WSB2: variants seen among roughly 807,000 people sequenced by gnomAD.
WSB2 encodes the protein WD repeat and SOCS box-containing protein 2.
In WSB2, 12 loss-of-function variants were observed where a neutral mutation model predicts 48.8. The ratio of observed to expected loss-of-function variants is 0.25; its 90% confidence interval spans 0.16 to 0.40. WSB2 has a LOEUF of 0.40. Ranked by LOEUF, WSB2 falls within the 10% of genes least tolerant of loss-of-function variation. The pLI is 1.00. For missense variants in WSB2, 317 were observed against 506.2 expected (o/e 0.63, Z 3.59); for synonymous variants, 191 against 203.1 (o/e 0.94, Z 0.51).
intron 4 of WSB2, among the ~76,000 whole-genome samples, chr12:118,040,107 AG>A (rs992403109): frequency 7.2e-5 from 11 of 152,150 alleles, no homozygotes; most frequent in African/African-American, 2.4e-4. Context: ...CAGGAGGCAG[AG>A]GCTACAATAA....
chr12:118,057,361 G>A (rs1304746632), intron 1 of WSB2, among the ~76,000 whole-genome samples: 1 of 151,590 alleles, frequency 6.6e-6, no homozygotes, highest in South Asian at 2.1e-4. Context: ...TGCAACCTCC[G>A]CCCCCTGGGT....
Position 118,043,223 on chromosome 12 carries a change from G to C in WSB2, c.337C>G (p.Arg113Gly). The C allele has an allele frequency of 6.2e-7, 1 of 1,614,230 alleles. No individual in the cohort carries two copies. Residue 113 changes from arginine to glycine, a missense_variant, in exon 3 of 9, where the codon CGC (arginine) becomes GGC (glycine). Physicochemically the swap from Arg to Gly is moderately radical, Grantham distance 125. Coordinates refer to ENST00000315436, the MANE Select transcript of WSB2 (RefSeq NM_018639.5). ...ACATCGGGCACTTGGGGGTGGTGGC[G>C]TGCCCAGAGCTTCCTGCTGGGTGGG... The part of the protein sequence containing the change: ...PSPPSRKLWA[R>G]HHPQVPDVSC...
chr12:118,034,614 T>G, intron 8 of WSB2: 1 of 509,604 alleles, frequency 2.0e-6, no homozygotes, highest in Non-Finnish European at 3.4e-6. Context: ...TTTCTAAATC[T>G]GACCACAGTT....
intron 5 of WSB2, among the ~76,000 whole-genome samples, chr12:118,036,917 C>T (rs2031524831): frequency 6.6e-6 from 1 of 152,192 alleles, no homozygotes; most frequent in Admixed American, 6.5e-5. Context: ...CACGATGGCT[C>T]ATGCCTGTAA....
chr12:118,057,131 C>G (rs887944241), intron 1 of WSB2, among the ~76,000 whole-genome samples: 14 of 152,070 alleles, frequency 9.2e-5, no homozygotes, highest in Admixed American at 8.5e-4. Flanking sequence ...CTTGGCTACA[C>G]GGAGAGAAAG....
At chr12:118,042,652 A>G in intron 4 of WSB2, 189 bp downstream of exon 4, 1 of 771,556 alleles carries the variant, frequency 1.3e-6, no homozygotes. Context: ...ATTAAACTCT[A>G]TTTGGTATAG....
At chr12:118,034,558 C>T in intron 8 of WSB2, 200 bp from the exon 9 acceptor site, 2 of 529,816 alleles carry the variant, frequency 3.8e-6, no homozygotes, top group East Asian at 3.2e-5. Context: ...ACTCAAGACA[C>T]CTGTGATACC....
In WSB2 at chr12:118,043,137, C is replaced by T; in HGVS notation, c.423G>A (p.Gln141=). 2 of 1,614,236 alleles carry T rather than the reference C, an allele frequency of 1.2e-6. No individual in the cohort carries two copies. Among genetic ancestry groups the T allele is most frequent in the Non-Finnish European group, 1.7e-6 (2 of 1,180,042 alleles). ...NDGQIKIWEV[Q]TGLLLLNLSG... Reference sequence around the variant, plus strand: ...TGCCAGCCAGGAATGACCTACCTGTCTGCACCTCCCAGATCTTGATCTGCC... The same window carrying T: ...TGCCAGCCAGGAATGACCTACCTGTTTGCACCTCCCAGATCTTGATCTGCC... The change falls in exon 3 of 9, where the codon CAG becomes CAA. Residue 141 remains glutamine, a synonymous_variant. Coordinates refer to ENST00000315436, the MANE Select transcript of WSB2 (RefSeq NM_018639.5).
At chr12:118,058,895 T>C (rs1182151459) in intron 1 of WSB2, among the ~76,000 whole-genome samples, 2 of 151,906 alleles carry the variant, frequency 1.3e-5, no homozygotes, top group Non-Finnish European at 2.9e-5. Context: ...GGAGTTTCAT[T>C]ATGTTGGTGA....
At chr12:118,042,452 C>A (rs2031656113) in intron 4 of WSB2, 1 of 185,444 alleles carries the variant, frequency 5.4e-6, no homozygotes, top group Admixed American at 5.4e-5. Context: ...GATGAGAAAA[C>A]CTGTTCTAGA....
Position 118,060,961 on chromosome 12 carries a change from GTC to G in WSB2, c.13+73_13+74del. The stretch of plus-strand genomic sequence containing the variant: ...CCCACCCCGCCCAGCCCGCCCCGGG[GTC>G]GCCTCCCCCCTCCCCGGGGAGAACG... On this transcript the variant is annotated intron_variant, in intron 1 of 8. Transcript: ENST00000315436. This position sits in a 1 kb window ranked among gnomAD's most constrained non-coding sequence, Gnocchi z 4.1. 73 of 736,730 alleles carry G rather than the reference GTC, an allele frequency of 9.9e-5. No homozygotes were observed. Among genetic ancestry groups the G allele is most frequent in the East Asian group, 2.5e-4 (2 of 7,906 alleles). 45.6% of individuals were successfully genotyped at this position (736,730 alleles called of 1,614,324 possible). A position where few individuals can be genotyped will look rare whatever the true frequency, so the allele number is the denominator to read the frequency against.
intron 1 of WSB2, among the ~76,000 whole-genome samples, chr12:118,056,773 C>T (rs1336731705): frequency 2.6e-5 from 4 of 151,754 alleles, no homozygotes; most frequent in Non-Finnish European, 4.4e-5. Flanking sequence ...TAGTGGCGGG[C>T]GCCTGTAGTC....
intron 2 of WSB2, among the ~76,000 whole-genome samples, chr12:118,049,588 A>G (rs1395019789): frequency 2.0e-5 from 3 of 152,140 alleles, no homozygotes; most frequent in Admixed American, 6.5e-5. Flanking sequence ...TTTTTAATAG[A>G]GACAGGGTTT....
At chr12:118,055,322 A>C (rs1431432517) in intron 1 of WSB2, among the ~76,000 whole-genome samples, 1 of 152,188 alleles carries the variant, frequency 6.6e-6, no homozygotes, top group Non-Finnish European at 1.5e-5. Flanking sequence ...CGCACAGGAC[A>C]GCCCCCAGCA....
chr12:118,033,547 TAA>T lies in WSB2; in HGVS notation c.*647_*648del, dbSNP rs35299550. 3.1e-4 allele frequency: 40 copies of T among 130,778 alleles called. No homozygotes were observed. Among genetic ancestry groups the T allele is most frequent in the African/African-American group, 5.0e-4 (18 of 36,028 alleles). 8.1% of individuals were successfully genotyped at this position (130,778 alleles called of 1,614,324 possible). ...ATTTCCTGCACATGCACACCATTGT[TAA>T]AAAAAAAAAAAAAAAGCCAGTAATA... is the stretch of plus-strand genomic sequence containing the variant. On this transcript the variant is annotated 3_prime_UTR_variant, in exon 9 of 9. Transcript: ENST00000315436.
At chr12:118,053,912 T>C (rs79232756) in intron 1 of WSB2, among the ~76,000 whole-genome samples, 19,950 of 152,200 alleles carry the variant, frequency 0.13, 1,613 homozygotes, top group Non-Finnish European at 0.18. Flanking sequence ...CACATCTTTA[T>C]ATATCTTACA....
intron 1 of WSB2, among the ~76,000 whole-genome samples, chr12:118,058,699 T>C (rs979778737): frequency 2.2e-5 from 3 of 139,040 alleles, no homozygotes; most frequent in Non-Finnish European, 3.1e-5. Context: ...ATTTTCTTCT[T>C]CTTTTTTTTT....
chr12:118,041,032 C>T (rs2031625828), intron 4 of WSB2, among the ~76,000 whole-genome samples: 1 of 152,158 alleles, frequency 6.6e-6, no homozygotes, highest in Non-Finnish European at 1.5e-5. Flanking sequence ...CTGGGTGACA[C>T]AGTGAGACTC....
In WSB2 at chr12:118,034,315, G is replaced by A. The variant is rs755309782; in HGVS notation, c.1096C>T (p.Leu366=). 1.9e-6 allele frequency: 3 copies of A among 1,614,250 alleles called. No individual in the cohort carries two copies. The highest frequency in any genetic ancestry group is 2.2e-5 in the South Asian group (2 of 91,082). Residue 366 remains leucine (L), a synonymous_variant, in exon 9 of 9, where the codon CTG becomes TTG. Coordinates refer to ENST00000315436, the MANE Select transcript of WSB2 (RefSeq NM_018639.5). ...CGGCATAAGTGCTTCAGTGAGGACA[G>A]GACCCTAGGAGCTGTCCAGAACTGG... ...HVQFWTAPRV[L]SSLKHLCRKA...
Sources: gnomAD v4.1 joint callset for allele counts (sites outside exome capture counted in the v4.1 genomes callset) on GRCh38, gnomAD v4.1.1 for gene constraint, Gnocchi (gnomAD v3.1) non-coding constraint, MANE v1.5 for transcripts, NCBI Gene and HGNC (gene_info 2026-07-23, HGNC 2026-07-21) for gene names.